The following FANCA variants were observed in gnomAD, a reference collection of about 807,000 sequenced individuals.
The protein encoded by FANCA is FA complementation group A, also known as Fanconi anemia group A protein.
Under a neutral mutation model 194.3 loss-of-function variants are expected in FANCA, and 236 were observed. The observed-to-expected ratio is 1.21, with a 90% CI of 1.09 to 1.35. The LOEUF (loss-of-function observed/expected upper bound fraction) is 1.35. FANCA is among the 40% of genes most tolerant of loss of function. The probability of loss-of-function intolerance (pLI) is 0.00; values close to 1 mark genes in which losing one functional copy is unlikely to be tolerated. For synonymous variants in FANCA, 1,014 were observed against 715.8 expected (o/e 1.42, Z -6.65); for missense variants, 2,628 against 1,813.9 (o/e 1.45, Z -8.15).
At chr16:89,740,763 A>T in intron 38 of FANCA, 41 bp downstream of exon 38, 1 of 1,587,704 alleles carries the variant, frequency 6.3e-7, no homozygotes, top group Non-Finnish European at 8.6e-7. Flanking sequence ...TGCCTGGCCC[A>T]CAGTGGGAGA....
rs9282684 is a variant in FANCA, at chr16:89,783,114, T to C, written c.1471-12A>G. Reference sequence around the variant, plus strand: ...TGGAGAATGTGCACCTGAGGATAGATAGCAGAGCGCAGCACCGTTAGTCTG... The same window carrying C: ...TGGAGAATGTGCACCTGAGGATAGACAGCAGAGCGCAGCACCGTTAGTCTG... On this transcript the variant is annotated splice_polypyrimidine_tract_variant and intron_variant, in intron 15 of 42. Coordinates refer to ENST00000389301, the MANE Select transcript of FANCA (RefSeq NM_000135.4). 2.8e-3 allele frequency: 4,489 copies of C among 1,597,482 alleles called. 13 individuals are homozygous for C. Among genetic ancestry groups the C allele is most frequent in the Non-Finnish European group, 3.5e-3 (4,075 of 1,165,642 alleles).
chr16:89,811,013 G>C lies in FANCA; in HGVS notation c.342C>G (p.Ala114=), dbSNP rs777989691. Residue 114 remains alanine (A), a synonymous_variant, in exon 4 of 43, where the codon GCC becomes GCG. Transcript: ENST00000389301. ...GTCCCACGCTAGAGGCAACCATCCC[G>C]GCTGAGAGAATACCCACGGGAACCC... ...RLGVPVGILS[A]GMVASSVGQI... 2 of 1,614,018 alleles carry C rather than the reference G, an allele frequency of 1.2e-6. No individual in the cohort carries two copies. The highest frequency in any genetic ancestry group is 1.7e-6 in the Non-Finnish European group (2 of 1,180,030).
chr16:89,813,180 T>C (rs1252601477), intron 3 of FANCA, among the ~76,000 whole-genome samples: 1 of 151,724 alleles, frequency 6.6e-6, no homozygotes, highest in African/African-American at 2.4e-5. Context: ...CTTGGGTGGC[T>C]GAGGTAAACT....
At chr16:89,809,236 G>A (rs1264991901) in intron 5 of FANCA, among the ~76,000 whole-genome samples, 4 of 151,980 alleles carry the variant, frequency 2.6e-5, no homozygotes, top group Admixed American at 1.3e-4. Flanking sequence ...GTCCGTGCAG[G>A]AAGGCTTTCC....
chr16:89,761,913 T>A (rs745513920), intron 29 of FANCA, 36 bp downstream of exon 29: 103 of 1,554,318 alleles, frequency 6.6e-5, no homozygotes, highest in Non-Finnish European at 8.7e-5. Flanking sequence ...GTGTGAGCCA[T>A]CATGCCTGGC....
Position 89,752,210 on chromosome 16 carries a change from A to C in FANCA, c.2994T>G (p.Tyr998Ter). The change falls in exon 31 of 43, where the codon TAT (tyrosine) becomes TAG (stop). Residue 998 changes from tyrosine (Y) to a stop codon, truncating the protein, a stop_gained. Transcript: ENST00000389301. LOFTEE classifies it high-confidence loss of function. The stretch of plus-strand genomic sequence containing the variant: ...CCAAATCAGAATTTTCTGAGTGGTC[A>C]TAACTCCTTGAGCTGAAATGAAAAT... ...LMDFHQSSRS[Y>*]DHSENSDLVF... is the part of the protein sequence containing the mutation. The C allele has an allele frequency of 1.2e-6, 2 of 1,613,786 alleles. No homozygotes were observed. Among genetic ancestry groups the C allele is most frequent in the Non-Finnish European group, 1.7e-6 (2 of 1,179,712 alleles).
At chr16:89,797,987 G>A (rs1277988805) in intron 10 of FANCA, among the ~76,000 whole-genome samples, 1 of 152,166 alleles carries the variant, frequency 6.6e-6, no homozygotes, top group African/African-American at 2.4e-5. Flanking sequence ...CAGGACATCA[G>A]TGTGAGTAAT....
rs200270574 is a variant in FANCA at position 89,745,084 on chromosome 16, C to T, written c.3514-13G>A. The T allele has an allele frequency of 6.9e-4, 1,091 of 1,585,552 alleles. 1 individual carries two copies. Among genetic ancestry groups the T allele is most frequent in the Non-Finnish European group, 8.5e-4 (997 of 1,169,866 alleles). On this transcript the variant is annotated splice_polypyrimidine_tract_variant and intron_variant, in intron 35 of 42. Coordinates refer to ENST00000389301, the MANE Select transcript of FANCA (RefSeq NM_000135.4). ...TCGGCCACCACACCTATGGAGAGAG[C>T]ACCAGCACACAGATGAGGGTGGCTG... is the stretch of plus-strand genomic sequence containing the variant.
intron 28 of FANCA, among the ~76,000 whole-genome samples, chr16:89,764,346 C>T (rs1322412490): frequency 6.6e-6 from 1 of 152,122 alleles, no homozygotes; most frequent in African/African-American, 2.4e-5. Flanking sequence ...GCTGTGTCAT[C>T]CTGGCTGGAA....
At chr16:89,740,138 C>T (rs779242247) in intron 38 of FANCA, 39 bp from the exon 39 acceptor site, 1 of 1,531,898 alleles carries the variant, frequency 6.5e-7, no homozygotes, top group Non-Finnish European at 9.0e-7. Context: ...AATGGCCGAC[C>T]TGGTGCTCCC....
chr16:89,780,125 A>G (rs1273839582), intron 17 of FANCA, among the ~76,000 whole-genome samples, 168 bp from the exon 18 acceptor site: 2 of 152,150 alleles, frequency 1.3e-5, no homozygotes, highest in Admixed American at 6.5e-5. Context: ...GCACTCCAAA[A>G]TGTCCCAAAA....
At position 89,750,337 on chromosome 16, in the gene FANCA, G is replaced by C. The variant is rs142519821; in HGVS notation, c.3067-435C>G. Among the ~76,000 whole-genome samples the C allele has an allele frequency of 0.059, 9,017 of 152,104 alleles. 413 individuals carry two copies. The highest frequency in any genetic ancestry group is 0.22 in the East Asian group (1,120 of 5,174). ...GCTACTAAAAAATACAAAAAAATTA[G>C]CTGGGCATGGTGGCGGGTGCCTGTA... On this transcript the variant is annotated intron_variant, in intron 31 of 42. Coordinates refer to ENST00000389301, the MANE Select transcript of FANCA (RefSeq NM_000135.4).
rs74033880 is a variant in FANCA at position 89,798,667 on chromosome 16, T to C, written c.893+499A>G. ...CCCGACCTGTAAGGGTCTCCGCACA[T>C]CTCCACAGAGCCATGGAGAGAAAAA... On this transcript the variant is annotated intron_variant, in intron 10 of 42. Coordinates refer to ENST00000389301, the MANE Select transcript of FANCA (RefSeq NM_000135.4). The C allele has an allele frequency of 1.1e-3, 1,320 of 1,255,040 alleles. 10 individuals are homozygous for C. The African/African-American group carries it at 0.019, about 18-fold the overall frequency. The allele number at this position is 1,255,040 out of a possible 1,614,324, so 77.7% of individuals were successfully genotyped here.
rs372437167 is a variant in FANCA, at chr16:89,746,699, G to A, written c.3409-11C>T. On this transcript the variant is annotated splice_polypyrimidine_tract_variant and intron_variant, in intron 34 of 42. Coordinates refer to ENST00000389301, the MANE Select transcript of FANCA (RefSeq NM_000135.4). ...GGCGTTCAGGAGGCCCTGCAGGAGAGAACGCAGCAGGAGGTCAGCGGTTTG... is the reference window on the plus strand; with the variant it reads ...GGCGTTCAGGAGGCCCTGCAGGAGAAAACGCAGCAGGAGGTCAGCGGTTTG... 4 of 1,612,812 alleles carry A rather than the reference G, an allele frequency of 2.5e-6. No homozygotes were observed. Among genetic ancestry groups the A allele is most frequent in the Non-Finnish European group, 2.5e-6 (3 of 1,178,880 alleles).
Position 89,740,174 on chromosome 16 carries a change from C to T in FANCA, c.3829-75G>A. The T allele has an allele frequency of 2.6e-6, 3 of 1,148,832 alleles. No individual in the cohort carries two copies. The South Asian group carries it at 3.7e-5, about 14-fold the overall frequency. The allele number at this position is 1,148,832 out of a possible 1,614,324, so 71.2% of individuals were successfully genotyped here. A position where few individuals can be genotyped will look rare whatever the true frequency, so the allele number is the denominator to read the frequency against. ...ATGGGTAGGAGGGTACAGCCCTCAG[C>T]ACAGAAGAGGGCATTTCCTCTTTGC... is the stretch of plus-strand genomic sequence containing the variant. On this transcript the variant is annotated intron_variant, in intron 38 of 42. Coordinates refer to ENST00000389301, the MANE Select transcript of FANCA (RefSeq NM_000135.4).
intron 30 of FANCA, among the ~76,000 whole-genome samples, chr16:89,757,422 T>A (rs1405804853): frequency 6.6e-6 from 1 of 152,128 alleles, no homozygotes; most frequent in Non-Finnish European, 1.5e-5. Context: ...GAAGGAAGGG[T>A]ATGCTGATAT....
intron 6 of FANCA, among the ~76,000 whole-genome samples, chr16:89,807,743 C>T (rs896454993): frequency 3.3e-5 from 5 of 151,744 alleles, no homozygotes; most frequent in Admixed American, 6.6e-5. Context: ...ATTAGCCAGG[C>T]GTGGTGGCGG....
At chr16:89,808,218 T>G in intron 6 of FANCA, 76 bp downstream of exon 6, 3 of 1,397,746 alleles carry the variant, frequency 2.1e-6, no homozygotes, top group Non-Finnish European at 3.1e-6. Flanking sequence ...ACCCGTCTGA[T>G]TCTGGGCTTT....
chr16:89,751,789 CG>C (rs1355181213), intron 31 of FANCA, among the ~76,000 whole-genome samples: 6 of 148,360 alleles, frequency 4.0e-5, no homozygotes, highest in African/African-American at 7.4e-5. Flanking sequence ...TTTTTTGAGA[CG>C]GAGTCTCACT....
Sources: allele counts gnomAD v4.1 joint callset (sites outside exome capture counted in the v4.1 genomes callset), GRCh38; gene constraint gnomAD v4.1.1; transcripts MANE v1.5; gene names NCBI Gene and HGNC (gene_info 2026-07-23, HGNC 2026-07-21).